Variants in CYP19A1 observed in about 807,000 individuals in gnomAD.
CYP19A1 encodes aromatase.
Under a neutral mutation model 44.4 loss-of-function variants are expected in CYP19A1, and 32 were observed. The ratio of observed to expected loss-of-function variants is 0.72; its 90% CI spans 0.54 to 0.97. The LOEUF (loss-of-function observed/expected upper bound fraction) is 0.97. CYP19A1 is among the 50% of genes least tolerant of loss of function. The pLI is 0.00. For missense variants in CYP19A1, 598 were observed against 637.8 expected, an observed-to-expected ratio of 0.94 and a Z score of 0.67; for synonymous variants, 212 against 215.6, an observed-to-expected ratio of 0.98 and a Z score of 0.14.
chr15:51,220,243 A>G (rs1243606131), intron 5 of CYP19A1, among the ~76,000 whole-genome samples: 5 of 152,186 alleles, frequency 3.3e-5, no homozygotes, highest in African/African-American at 1.2e-4. Flanking sequence ...CCTCTCCATG[A>G]CATCTGTGCC....
chr15:51,279,429 C>T (rs1438843209), intron 1 of CYP19A1, among the ~76,000 whole-genome samples: 3 of 152,214 alleles, frequency 2.0e-5, no homozygotes, highest in African/African-American at 7.2e-5. Context: ...ACCCCCACAT[C>T]TCCATCTACA....
intron 8 of CYP19A1, among the ~76,000 whole-genome samples, chr15:51,214,687 A>G (rs2031389943): frequency 1.3e-5 from 2 of 152,238 alleles, no homozygotes; most frequent in Non-Finnish European, 2.9e-5. Flanking sequence ...GACAAATCCA[A>G]CCATAAATAT....
chr15:51,225,692 A>G (rs1355585811), intron 4 of CYP19A1, among the ~76,000 whole-genome samples: 2 of 152,218 alleles, frequency 1.3e-5, no homozygotes, highest in Non-Finnish European at 2.9e-5. Flanking sequence ...TGTCTGGGTC[A>G]TAATCCCCAG....
chr15:51,256,930 G>A (rs1195886702), intron 1 of CYP19A1, among the ~76,000 whole-genome samples: 2 of 152,218 alleles, frequency 1.3e-5, no homozygotes, highest in Non-Finnish European at 2.9e-5. Context: ...CAGTGGGTAA[G>A]GAATCATGGG....
intron 8 of CYP19A1, among the ~76,000 whole-genome samples, chr15:51,214,810 G>T (rs1000171713): frequency 6.6e-6 from 1 of 152,180 alleles, no homozygotes; most frequent in South Asian, 2.1e-4. Context: ...AGGATTGGGG[G>T]ATGTCACTTA....
chr15:51,296,782 T>C (rs893775726), intron 1 of CYP19A1, among the ~76,000 whole-genome samples: 1 of 152,204 alleles, frequency 6.6e-6, no homozygotes, highest in Admixed American at 6.5e-5. Flanking sequence ...CCTACCACCA[T>C]TTATTTTTCA....
Position 51,266,630 on chromosome 15 carries a change from T to C in CYP19A1, c.-38-23680A>G, listed in dbSNP as rs535516256. On this transcript the variant is annotated intron_variant, in intron 1 of 9. Coordinates refer to ENST00000396402, the MANE Select transcript of CYP19A1 (RefSeq NM_000103.4). ...AAATTCCATGGGTTTACTTCATTTG[T>C]AGCACATGTTTCCTAAAAACAGCTC... Among the ~76,000 whole-genome samples the C allele has an allele frequency of 2.0e-5, 3 of 152,388 alleles. No homozygotes were observed. The South Asian group carries it at 6.2e-4, about 32-fold the overall frequency.
chr15:51,304,835 A>G (rs1008848566), intron 1 of CYP19A1, among the ~76,000 whole-genome samples: 1 of 151,214 alleles, frequency 6.6e-6, no homozygotes, highest in Non-Finnish European at 1.5e-5. Flanking sequence ...AGCTTTAAAA[A>G]TGCGTTTCTA....
chr15:51,243,894 G>A (rs758097135), intron 1 of CYP19A1, among the ~76,000 whole-genome samples: 1 of 152,224 alleles, frequency 6.6e-6, no homozygotes, highest in Non-Finnish European at 1.5e-5. Flanking sequence ...AGAGTTTCAG[G>A]GATGGTAGGT....
chr15:51,298,907 AAGCAGGCCTG>A (rs9282664), intron 1 of CYP19A1, among the ~76,000 whole-genome samples: 14,445 of 152,264 alleles, frequency 0.095, 773 homozygotes, highest in African/African-American at 0.12. Flanking sequence ...TAAATGAGCA[AAGCAGGCCTG>A]AGCTCATTGC....
intron 1 of CYP19A1, among the ~76,000 whole-genome samples, chr15:51,252,008 C>T (rs571413923): frequency 2.0e-5 from 3 of 152,260 alleles, no homozygotes; most frequent in African/African-American, 7.2e-5. Flanking sequence ...TCTTAGCTGC[C>T]CCTCCCCAGC....
At chr15:51,307,287 C>G (rs773195972) in intron 1 of CYP19A1, among the ~76,000 whole-genome samples, 2 of 152,146 alleles carry the variant, frequency 1.3e-5, no homozygotes, top group Non-Finnish European at 2.9e-5. Context: ...ATTTGAACTA[C>G]TATATACAGA....
At chr15:51,270,838 G>A (rs1229450288) in intron 1 of CYP19A1, among the ~76,000 whole-genome samples, 3 of 152,110 alleles carry the variant, frequency 2.0e-5, no homozygotes, top group African/African-American at 7.2e-5. Context: ...TTCTGCTGAG[G>A]CCCAAGTCTT....
At chr15:51,276,062 T>G (rs188482239) in intron 1 of CYP19A1, among the ~76,000 whole-genome samples, 224 of 152,338 alleles carry the variant, frequency 1.5e-3, no homozygotes, top group African/African-American at 5.0e-3. Flanking sequence ...CCTAGGAAGC[T>G]CTCACTGATA....
intron 1 of CYP19A1, among the ~76,000 whole-genome samples, chr15:51,291,369 A>G (rs2035842664): frequency 6.6e-6 from 1 of 152,150 alleles, no homozygotes; most frequent in East Asian, 1.9e-4. Flanking sequence ...CATTATTACA[A>G]TGAAAAACTA....
intron 4 of CYP19A1, among the ~76,000 whole-genome samples, chr15:51,226,217 A>G (rs1203497882): frequency 6.6e-6 from 1 of 151,576 alleles, no homozygotes; most frequent in African/African-American, 2.4e-5. Context: ...CCCACTGTTG[A>G]TGGCTTTGAA....
rs781574524 is a variant in CYP19A1, at chr15:51,212,532, G to A, written c.1051C>T (p.Gln351Ter). The change falls in exon 9 of 10, where the codon CAA (glutamine) becomes TAA (stop). Residue 351 changes from glutamine to a stop codon, truncating the protein, a stop_gained. Transcript: ENST00000396402. LOFTEE classifies it high-confidence loss of function. ...GERDIKIDDI[Q>*]KLKVMENFIY... Reference sequence around the variant, plus strand: ...AAGTTTTCCATCACTTTTAATTTTTGTATATCATCAATCTTTATGTCTCTC... The same window carrying A: ...AAGTTTTCCATCACTTTTAATTTTTATATATCATCAATCTTTATGTCTCTC... The A allele has an allele frequency of 2.0e-6, 3 of 1,504,038 alleles. No homozygotes were observed. The highest frequency in any genetic ancestry group is 2.3e-5 in the South Asian group (2 of 88,808). The allele number at this position is 1,504,038 out of a possible 1,614,324, so 93.2% of individuals were successfully genotyped here.
At chr15:51,329,716 G>A (rs2036670569) in intron 1 of CYP19A1, among the ~76,000 whole-genome samples, 1 of 152,182 alleles carries the variant, frequency 6.6e-6, no homozygotes, top group African/African-American at 2.4e-5. Context: ...GAAATTGTAA[G>A]GGCACTGCCC....
rs535118300 is a variant in CYP19A1, at chr15:51,265,907, G to A, written c.-38-22957C>T. Among the ~76,000 whole-genome samples the A allele has an allele frequency of 7.2e-5, 11 of 152,282 alleles. No homozygotes were observed. The East Asian group carries it at 2.1e-3, about 29-fold the overall frequency. On this transcript the variant is annotated intron_variant, in intron 1 of 9. Coordinates refer to ENST00000396402, the MANE Select transcript of CYP19A1 (RefSeq NM_000103.4). Reference sequence around the variant, plus strand: ...CTGTTTGAGCTTCATTCGGATCCCTGGATGCCCACTGAGCCAGTCAGGCTA... The same window carrying A: ...CTGTTTGAGCTTCATTCGGATCCCTAGATGCCCACTGAGCCAGTCAGGCTA...
Sources: allele counts gnomAD v4.1 joint callset (sites outside exome capture counted in the v4.1 genomes callset), GRCh38; gene constraint gnomAD v4.1.1; transcripts MANE v1.5; gene names NCBI Gene and HGNC (gene_info 2026-07-23, HGNC 2026-07-21).